The following VPS8 variants were observed in gnomAD, a reference collection of about 807,000 sequenced individuals.
VPS8 encodes VPS8 subunit of CORVET complex, also known as vacuolar protein sorting-associated protein 8 homolog.
VPS8 carries 129 observed loss-of-function variants against 216.4 expected under a neutral mutation model. The observed-to-expected ratio is 0.60, with a 90% CI of 0.52 to 0.69. The LOEUF is 0.69. Among genes scored for constraint, VPS8 ranks in the 30% least tolerant of loss-of-function variants. The probability of loss-of-function intolerance (pLI) is 0.00; values close to 1 mark genes in which losing one functional copy is unlikely to be tolerated. For missense variants in VPS8, 1,531 were observed against 1,683.5 expected (o/e 0.91, Z 1.59); for synonymous variants, 571 against 565.4 (o/e 1.01, Z -0.14).
intron 37 of VPS8, among the ~76,000 whole-genome samples, chr3:184,962,867 T>C (rs1408967493): frequency 1.3e-5 from 2 of 152,022 alleles, no homozygotes; most frequent in African/African-American, 4.8e-5. Context: ...CCATCTGGAG[T>C]TAATTTTTGC....
At chr3:185,051,243 G>C (rs1330836394) in intron 47 of VPS8, among the ~76,000 whole-genome samples, 1 of 152,162 alleles carries the variant, frequency 6.6e-6, no homozygotes, top group African/African-American at 2.4e-5. Flanking sequence ...TTGAGCCACT[G>C]ACAGAACGAG....
chr3:185,001,002 A>T (rs767333019), intron 45 of VPS8, among the ~76,000 whole-genome samples: 8 of 151,716 alleles, frequency 5.3e-5, no homozygotes, highest in African/African-American at 1.9e-4. Context: ...TAGAACTTCT[A>T]CTCTCCAGTG....
At chr3:184,891,212 C>T (rs1460763168) in intron 22 of VPS8, among the ~76,000 whole-genome samples, 1 of 152,094 alleles carries the variant, frequency 6.6e-6, no homozygotes, top group African/African-American at 2.4e-5. Flanking sequence ...TGTTAAGAAG[C>T]CATCGTTCCA....
At chr3:184,893,131 G>T in intron 22 of VPS8, 1 of 420,388 alleles carries the variant, frequency 2.4e-6, no homozygotes, top group Non-Finnish European at 3.3e-6. Context: ...AAAATAAATG[G>T]CTGTGGATTT....
intron 40 of VPS8, among the ~76,000 whole-genome samples, chr3:184,979,278 A>T (rs1229596018): frequency 1.2e-4 from 18 of 152,070 alleles, no homozygotes; most frequent in Admixed American, 1.2e-3. Context: ...ATATTCTGTT[A>T]TTATTGGGTG....
At chr3:184,971,524 T>C in intron 39 of VPS8, 125 bp from the exon 40 acceptor site, 1 of 589,382 alleles carries the variant, frequency 1.7e-6, no homozygotes, top group East Asian at 3.2e-5. Context: ...GCATCAGGTT[T>C]TATTAATTAT....
At chr3:184,875,264 C>G (rs1427104664) in intron 21 of VPS8, among the ~76,000 whole-genome samples, 1 of 151,908 alleles carries the variant, frequency 6.6e-6, no homozygotes, top group Non-Finnish European at 1.5e-5. Flanking sequence ...TAATCTTTAC[C>G]CTTGGTGAGG....
In VPS8 at chr3:184,816,716, C is replaced by T. The variant is rs193160132; in HGVS notation, c.-89+4491C>T. ...GGTGGGTCTCTCAGGAAGCCCCATA[C>T]GGCCAGATCTTGTTTTTCCATGTTG... On this transcript the variant is annotated intron_variant, in intron 1 of 47. Coordinates refer to ENST00000625842, the MANE Select transcript of VPS8 (RefSeq NM_001009921.3). Among the ~76,000 whole-genome samples the T allele has an allele frequency of 6.8e-4, 104 of 152,274 alleles. 1 individual carries two copies. The highest frequency in any genetic ancestry group is 5.9e-3 in the Admixed American group (90 of 15,294).
chr3:184,928,218 G>A (rs930814597), intron 31 of VPS8, among the ~76,000 whole-genome samples: 11 of 152,096 alleles, frequency 7.2e-5, no homozygotes, highest in African/African-American at 9.7e-5. Flanking sequence ...ACACTGTGGC[G>A]TTCTTTCCAT....
At chr3:184,944,523 A>C (rs1365506939) in intron 36 of VPS8, 2 of 985,286 alleles carry the variant, frequency 2.0e-6, no homozygotes, top group Non-Finnish European at 2.4e-6. Flanking sequence ...GGGATGCTTA[A>C]AGGATAATAC....
intron 37 of VPS8, among the ~76,000 whole-genome samples, chr3:184,963,302 TTCTTC>T (rs1423038549): frequency 6.6e-6 from 1 of 152,150 alleles, no homozygotes; most frequent in Non-Finnish European, 1.5e-5. Flanking sequence ...GTAGTGTTGA[TTCTTC>T]TCTTTCAGGA....
chr3:184,816,366 G>A (rs1467703244), intron 1 of VPS8: 1 of 152,198 alleles, frequency 6.6e-6, no homozygotes, highest in African/African-American at 2.4e-5. Context: ...ATACAGGAAG[G>A]TCTTAGGCAC....
chr3:184,982,732 T>G, intron 41 of VPS8, 85 bp downstream of exon 41: 1 of 1,116,598 alleles, frequency 9.0e-7, no homozygotes, highest in Non-Finnish European at 1.3e-6. Flanking sequence ...TATAATATCT[T>G]TTTCCAATAG....
At chr3:185,020,747 G>T (rs1421470184) in intron 45 of VPS8, among the ~76,000 whole-genome samples, 1 of 152,138 alleles carries the variant, frequency 6.6e-6, no homozygotes, top group Non-Finnish European at 1.5e-5. Context: ...GGTATTACAG[G>T]TATAAGATAC....
intron 4 of VPS8, 56 bp from the exon 5 acceptor site, chr3:184,834,593 C>T: frequency 7.4e-7 from 1 of 1,346,688 alleles, no homozygotes; most frequent in Non-Finnish European, 1.0e-6. Flanking sequence ...AGCTTTGGGA[C>T]CTCTCCTTTT....
chr3:184,902,197 G>T (rs1415065208), intron 25 of VPS8, among the ~76,000 whole-genome samples: 4 of 151,102 alleles, frequency 2.6e-5, no homozygotes, highest in Non-Finnish European at 5.9e-5. Flanking sequence ...TCCCAAGCTG[G>T]CCAGGCATGG....
intron 25 of VPS8, among the ~76,000 whole-genome samples, chr3:184,906,358 A>G (rs1408361008): frequency 3.9e-5 from 6 of 152,202 alleles, no homozygotes; most frequent in Non-Finnish European, 8.8e-5. Flanking sequence ...TGTTCTCTAG[A>G]ATGTTCTATG....
intron 46 of VPS8, among the ~76,000 whole-genome samples, chr3:185,027,162 A>G (rs924654294): frequency 2.0e-5 from 3 of 151,552 alleles, no homozygotes; most frequent in African/African-American, 7.3e-5. Flanking sequence ...GAAGGTGCAC[A>G]GGGTTCTGTG....
At chr3:184,986,587 A>G (rs993616512) in intron 42 of VPS8, among the ~76,000 whole-genome samples, 2 of 152,140 alleles carry the variant, frequency 1.3e-5, no homozygotes, top group African/African-American at 4.8e-5. Context: ...AAGGAGACAG[A>G]GGTTCATTTT....
Sources: gnomAD v4.1 joint callset for allele counts (sites outside exome capture counted in the v4.1 genomes callset) on GRCh38, gnomAD v4.1.1 for gene constraint, MANE v1.5 for transcripts, NCBI Gene and HGNC (gene_info 2026-07-23, HGNC 2026-07-21) for gene names.